The following KHDRBS3 variants were observed in gnomAD, a reference collection of about 807,000 sequenced individuals.
KHDRBS3 encodes KH domain-containing, RNA-binding, signal transduction-associated protein 3.
KHDRBS3 carries 23 observed loss-of-function variants against 45.6 expected under a neutral mutation model. The observed-to-expected ratio is 0.50, with a 90% CI of 0.36 to 0.72. The LOEUF (loss-of-function observed/expected upper bound fraction) is 0.72. Among genes scored for constraint, KHDRBS3 ranks in the 30% least tolerant of loss-of-function variants. KHDRBS3 has a pLI of 0.00. For synonymous variants in KHDRBS3, 162 were observed against 156.5 expected, an observed-to-expected ratio of 1.04 and a Z score of -0.26; for missense variants, 352 against 424.8, an observed-to-expected ratio of 0.83 and a Z score of 1.51.
At chr8:135,503,175 C>T (rs952040525) in intron 1 of KHDRBS3, among the ~76,000 whole-genome samples, 3 of 152,146 alleles carry the variant, frequency 2.0e-5, no homozygotes, top group Non-Finnish European at 2.9e-5. Context: ...TAGACAAAAG[C>T]GTCATACAGA....
At chr8:135,630,847 GGTGA>G (rs1294953839) in intron 7 of KHDRBS3, among the ~76,000 whole-genome samples, 2 of 152,282 alleles carry the variant, frequency 1.3e-5, no homozygotes, top group East Asian at 3.9e-4. Context: ...AGTTACTGTG[GGTGA>G]GTGAGTGAGT....
intron 1 of KHDRBS3, among the ~76,000 whole-genome samples, chr8:135,480,754 T>C (rs973986839): frequency 9.2e-5 from 14 of 152,248 alleles, no homozygotes; most frequent in African/African-American, 2.4e-4. Flanking sequence ...TGAAATTTTA[T>C]ATTAAGTTTA....
At chr8:135,602,576 GT>G (rs5895318) in intron 6 of KHDRBS3, among the ~76,000 whole-genome samples, 41 of 150,288 alleles carry the variant, frequency 2.7e-4, no homozygotes, top group African/African-American at 6.8e-4. Flanking sequence ...TAATATTTTA[GT>G]TTTTTTTTTA....
chr8:135,487,489 A>T (rs1297427922), intron 1 of KHDRBS3, among the ~76,000 whole-genome samples: 1 of 152,210 alleles, frequency 6.6e-6, no homozygotes, highest in Non-Finnish European at 1.5e-5. Context: ...TTCAAGATGT[A>T]CATAGACATG....
At position 135,520,547 on chromosome 8, in the gene KHDRBS3, C is replaced by G. The variant is rs147242333; in HGVS notation, c.89-690C>G. Among the ~76,000 whole-genome samples the G allele has an allele frequency of 4.8e-4, 73 of 152,122 alleles. 1 individual carries two copies. The East Asian group carries it at 8.5e-3, about 18-fold the overall frequency. ...ATCTAAGGGTAGCAGTAGAGTTGCACGTAAAGTGCTTTGTGAGTATCAAGG... is the reference window on the plus strand; with the variant it reads ...ATCTAAGGGTAGCAGTAGAGTTGCAGGTAAAGTGCTTTGTGAGTATCAAGG... On this transcript the variant is annotated intron_variant, in intron 1 of 8. Coordinates refer to ENST00000355849, the MANE Select transcript of KHDRBS3 (RefSeq NM_006558.3).
At chr8:135,516,569 A>G (rs1330961048) in intron 1 of KHDRBS3, among the ~76,000 whole-genome samples, 2 of 60,418 alleles carry the variant, frequency 3.3e-5, no homozygotes, top group African/African-American at 1.3e-4. Context: ...TGTTTCTTAC[A>G]TTGTGTGTGT....
chr8:135,566,614 G>A lies in KHDRBS3; in HGVS notation c.611+9027G>A, dbSNP rs112202128. Among the ~76,000 whole-genome samples the A allele has an allele frequency of 5.9e-5, 9 of 152,208 alleles. 1 individual carries two copies. Among genetic ancestry groups the A allele is most frequent in the South Asian group, 2.1e-4 (1 of 4,818 alleles). On this transcript the variant is annotated intron_variant, in intron 5 of 8. Transcript: ENST00000355849. The stretch of plus-strand genomic sequence containing the variant: ...TCAGACCTGAAATCCCAGCAGTTGC[G>A]GAGGCCAAGGTGGGAAGATCACTTG...
intron 7 of KHDRBS3, among the ~76,000 whole-genome samples, chr8:135,622,215 T>C (rs1427962754): frequency 6.6e-6 from 1 of 152,230 alleles, no homozygotes; most frequent in Non-Finnish European, 1.5e-5. Context: ...TGCTAGAACA[T>C]ACGTAGTGCT....
intron 7 of KHDRBS3, among the ~76,000 whole-genome samples, chr8:135,627,675 GT>G (rs918671223): frequency 3.3e-5 from 5 of 152,074 alleles, no homozygotes; most frequent in Non-Finnish European, 5.9e-5. Flanking sequence ...AAATAGTTCA[GT>G]GAAAGTTAAC....
chr8:135,609,225 T>TA (rs1399084182), intron 7 of KHDRBS3, among the ~76,000 whole-genome samples: 27 of 152,160 alleles, frequency 1.8e-4, no homozygotes, highest in African/African-American at 6.0e-4. Context: ...AAAACACAAA[T>TA]ACATTGTACA....
At chr8:135,459,851 G>T (rs763154974) in intron 1 of KHDRBS3, among the ~76,000 whole-genome samples, 1 of 152,132 alleles carries the variant, frequency 6.6e-6, no homozygotes, top group Non-Finnish European at 1.5e-5. Context: ...GGGAAATGTT[G>T]CCATTTAGTG....
At chr8:135,584,524 A>G (rs1373932419) in intron 6 of KHDRBS3, among the ~76,000 whole-genome samples, 1 of 152,224 alleles carries the variant, frequency 6.6e-6, no homozygotes, top group Non-Finnish European at 1.5e-5. Context: ...GCCTTTTAAG[A>G]TTACTAGTCA....
At chr8:135,589,728 A>G (rs1260626517) in intron 6 of KHDRBS3, among the ~76,000 whole-genome samples, 5 of 152,280 alleles carry the variant, frequency 3.3e-5, no homozygotes, top group South Asian at 2.1e-4. Flanking sequence ...GGAATGAACT[A>G]TGTCTTTGTT....
chr8:135,527,511 G>C (rs1215545106), intron 2 of KHDRBS3, among the ~76,000 whole-genome samples: 1 of 152,168 alleles, frequency 6.6e-6, no homozygotes, highest in Admixed American at 6.5e-5. Flanking sequence ...GCAGAATGTG[G>C]GTGGCATTGG....
downstream of KHDRBS3, among the ~76,000 whole-genome samples, chr8:135,652,009 T>A (rs1329806315): frequency 1.3e-5 from 2 of 152,202 alleles, no homozygotes; most frequent in African/African-American, 4.8e-5. Context: ...AATAAAATTG[T>A]AGAGTCAAAA....
chr8:135,640,342 A>G (rs1474837857), intron 7 of KHDRBS3, among the ~76,000 whole-genome samples: 2 of 152,114 alleles, frequency 1.3e-5, no homozygotes, highest in African/African-American at 2.4e-5. Flanking sequence ...AAATGTCAGG[A>G]GTTTCTTCTT....
At chr8:135,482,624 G>A (rs976544798) in intron 1 of KHDRBS3, among the ~76,000 whole-genome samples, 1 of 152,100 alleles carries the variant, frequency 6.6e-6, no homozygotes, top group Non-Finnish European at 1.5e-5. Context: ...TGTGTATGCC[G>A]GGGTGGGTGA....
Position 135,653,367 on chromosome 8 carries a change from C to T in KHDRBS3, c.*118-2859C>T, listed in dbSNP as rs1321974178. On this transcript the variant is annotated intron_variant and NMD_transcript_variant, in intron 4 of 4. Coordinates refer to the KHDRBS3 transcript ENST00000521461. ...GGAACGAATGAGTGAACAAATGAAC[C>T]TGTAATTCTTGAAACACTGACACTG... is the stretch of plus-strand genomic sequence containing the variant. Among the ~76,000 whole-genome samples the T allele has an allele frequency of 2.0e-5, 3 of 152,148 alleles. No individual in the cohort carries two copies. In the South Asian group the frequency reaches 6.2e-4, roughly 32 times the overall value.
intron 7 of KHDRBS3, among the ~76,000 whole-genome samples, chr8:135,614,486 G>A (rs1304047872): frequency 6.6e-6 from 1 of 151,712 alleles, no homozygotes; most frequent in African/African-American, 2.4e-5. Context: ...TTCTGAAAAA[G>A]TATAAATTCT....
Sources: gnomAD v4.1 joint callset for allele counts (sites outside exome capture counted in the v4.1 genomes callset) on GRCh38, gnomAD v4.1.1 for gene constraint, MANE v1.5 for transcripts, NCBI Gene and HGNC (gene_info 2026-07-23, HGNC 2026-07-21) for gene names.